The following NEB variants were observed in gnomAD, a reference collection of about 807,000 sequenced individuals.
NEB encodes the protein nebulin.
A neutral mutation model predicts 952.2 loss-of-function variants in NEB; 512 were observed. That is an observed-to-expected ratio of 0.54 (90% CI 0.50 to 0.58). The LOEUF (loss-of-function observed/expected upper bound fraction) is 0.58, where lower values mean the gene tolerates loss of function less well. Among genes scored for constraint, NEB ranks in the 20% least tolerant of loss-of-function variants. The pLI, the probability that NEB is intolerant of heterozygous loss-of-function variation, is 0.00. For synonymous variants in NEB, 2,900 were observed against 3,149.8 expected (o/e 0.92, Z 2.66); for missense variants, 8,428 against 9,231.1 (o/e 0.91, Z 3.56).
chr2:151,554,045 T>C lies in NEB; in HGVS notation c.19429-20A>G, dbSNP rs372241831. The C allele has an allele frequency of 1.7e-4, 267 of 1,611,176 alleles. No individual in the cohort carries two copies. Among genetic ancestry groups the C allele is most frequent in the Non-Finnish European group, 2.0e-4 (240 of 1,177,562 alleles). ...CAGGCGCTGTAAAGTTAAAATCACA[T>C]GCCAGTTATACAGGAAATTGTGCCA... On this transcript the variant is annotated intron_variant, in intron 125 of 181. Coordinates refer to ENST00000397345, the MANE Select transcript of NEB (RefSeq NM_001164508.2).
At position 151,664,559 on chromosome 2, in the gene NEB, A is replaced by G; in HGVS notation, c.5393T>C (p.Leu1798Pro). The change falls in exon 44 of 182, where the codon CTG becomes CCG. Residue 1798 changes from leucine (L) to proline (P), a missense_variant. By Grantham distance (98) the Leu-to-Pro change is moderately conservative. This residue lies in a region of NEB where 2,851 missense variants were observed against 2,791.5 expected (regional missense o/e 1.02). Transcript: ENST00000397345. ...WEEEKKKGYD[L>P]RPDAIAIKAA... The stretch of plus-strand genomic sequence containing the variant: ...CTTTATTGCAATGGCATCAGGCCTC[A>G]GGTCATATCCTTTCTTCTTTTCCTC... The G allele has an allele frequency of 6.2e-7, 1 of 1,608,682 alleles. No individual in the cohort carries two copies. The highest frequency in any genetic ancestry group is 8.5e-7 in the Non-Finnish European group (1 of 1,177,484).
At position 151,667,801 on chromosome 2, in the gene NEB, T is replaced by C; in HGVS notation, c.4719+3A>G. On this transcript the variant is annotated splice_donor_region_variant and intron_variant, in intron 40 of 181. Coordinates refer to ENST00000397345, the MANE Select transcript of NEB (RefSeq NM_001164508.2). ...AAGTTTCCTACTTTTAAGTTAGACT[T>C]ACATCACTAGCAATATTCCTTGAAC... is the stretch of plus-strand genomic sequence containing the variant. 1.2e-6 allele frequency: 2 copies of C among 1,610,036 alleles called. No individual in the cohort carries two copies. Among genetic ancestry groups the C allele is most frequent in the Admixed American group, 1.7e-5 (1 of 59,934 alleles).
chr2:151,568,089 G>A lies in NEB; in HGVS notation c.17826C>T (p.Cys5942=). ...DAVPFVHAHH[C]NDVQSELKYK... ...GTATTACCTCACTCTGAACGTCATT[G>A]CAGTGATGGGCATGAACAAATGGCA... The change falls in exon 113 of 182, where the codon TGC becomes TGT. Residue 5942 remains cysteine (C), a synonymous_variant. Transcript: ENST00000397345. 6.2e-7 allele frequency: 1 copy of A among 1,613,358 alleles called. No homozygotes were observed. The highest frequency in any genetic ancestry group is 8.5e-7 in the Non-Finnish European group (1 of 1,179,518).
At position 151,672,519 on chromosome 2, in the gene NEB, G is replaced by T; in HGVS notation, c.4149C>A (p.Thr1383=). The T allele has an allele frequency of 6.2e-7, 1 of 1,613,940 alleles. No individual in the cohort carries two copies. Residue 1383 remains threonine, a synonymous_variant, in exon 37 of 182, where the codon ACC becomes ACA. Coordinates refer to ENST00000397345, the MANE Select transcript of NEB (RefSeq NM_001164508.2). ...NYENTKTSYH[T]PGDMVSITAA... ...CTGTGATGCTAACCATGTCCCCAGG[G>T]GTATGGTAGCTGGTTTTGGTGTTCT...
At chr2:151,674,092 T>C (rs796807379) in intron 36 of NEB, among the ~76,000 whole-genome samples, 4 of 152,360 alleles carry the variant, frequency 2.6e-5, no homozygotes, top group African/African-American at 9.6e-5. Context: ...TATAAAAATC[T>C]GTACATTTTA....
chr2:151,661,342 C>A (rs182526706), intron 46 of NEB, among the ~76,000 whole-genome samples: 43 of 152,308 alleles, frequency 2.8e-4, no homozygotes, highest in African/African-American at 9.1e-4. Flanking sequence ...CTCCACAAAT[C>A]ATTCAATTCT....
At chr2:151,718,515 T>G (rs2099765539) in intron 9 of NEB, among the ~76,000 whole-genome samples, 1 of 152,158 alleles carries the variant, frequency 6.6e-6, no homozygotes, top group Admixed American at 6.5e-5. Flanking sequence ...CAACCCCACC[T>G]TACTCTCAGC....
At chr2:151,626,898 G>T in intron 70 of NEB, 104 bp downstream of exon 70, 1 of 1,361,646 alleles carries the variant, frequency 7.3e-7, no homozygotes, top group Non-Finnish European at 1.0e-6. Flanking sequence ...CTATACATTG[G>T]ATAGCAATTT....
rs35707762 is a variant in NEB, at chr2:151,548,387, G to A, written c.20078C>T (p.Thr6693Ile). 0.01 allele frequency: 16,597 copies of A among 1,613,528 alleles called. 121 individuals are homozygous for A. The highest frequency in any genetic ancestry group is 0.013 in the Non-Finnish European group (14,919 of 1,179,500). ...YFKYKEAYEH[T>I]KAYGYTLGPK... is the part of the protein sequence containing the mutation. Reference sequence around the variant, plus strand: ...GCCAAGTGTATACCCATATGCCTTGGTGTGTTCATAGGCTTCTTTGTACTT... The same window carrying A: ...GCCAAGTGTATACCCATATGCCTTGATGTGTTCATAGGCTTCTTTGTACTT... The change falls in exon 131 of 182, where the codon ACC becomes ATC. Residue 6693 changes from threonine (T) to isoleucine (I), a missense_variant. Thr to Ile is a moderately conservative substitution (Grantham distance 89). Transcript: ENST00000397345.
intron 46 of NEB, among the ~76,000 whole-genome samples, chr2:151,660,435 T>G (rs1435901004): frequency 6.6e-6 from 1 of 152,224 alleles, no homozygotes; most frequent in East Asian, 1.9e-4. Context: ...GAGTTTTAAA[T>G]TTTAACGAAC....
At chr2:151,511,317 G>C (rs985411740) in intron 161 of NEB, among the ~76,000 whole-genome samples, 3 of 152,134 alleles carry the variant, frequency 2.0e-5, no homozygotes, top group African/African-American at 7.2e-5. Flanking sequence ...TCCACCATTT[G>C]AATATACCTG....
intron 12 of NEB, among the ~76,000 whole-genome samples, chr2:151,708,749 G>A: frequency 6.6e-6 from 1 of 152,160 alleles, no homozygotes; most frequent in Non-Finnish European, 1.5e-5. Flanking sequence ...ATCTGAAGAT[G>A]AGCTCTTGTC....
At chr2:151,527,456 A>G (rs1442612647) in intron 147 of NEB, 25 bp downstream of exon 147, 1 of 1,540,852 alleles carries the variant, frequency 6.5e-7, no homozygotes, top group African/African-American at 1.4e-5. Context: ...TGCAGTTACA[A>G]TCGTCTGTGT....
At chr2:151,509,234 A>G (rs892602766) in intron 161 of NEB, among the ~76,000 whole-genome samples, 1 of 152,242 alleles carries the variant, frequency 6.6e-6, no homozygotes. Flanking sequence ...AATTAAAGCC[A>G]GATTTTTCGG....
At chr2:151,617,690 T>A (rs2098249093) in intron 74 of NEB, among the ~76,000 whole-genome samples, 2 of 152,136 alleles carry the variant, frequency 1.3e-5, no homozygotes, top group African/African-American at 4.8e-5. Flanking sequence ...ATTGAAGTAT[T>A]TAAAATAATT....
chr2:151,498,742 G>A (rs541055839), intron 169 of NEB, among the ~76,000 whole-genome samples: 32 of 152,136 alleles, frequency 2.1e-4, no homozygotes, highest in Admixed American at 3.9e-4. Flanking sequence ...GGATATTTGG[G>A]TTTTACAAAC....
chr2:151,707,536 G>T (rs1254438493), intron 12 of NEB, among the ~76,000 whole-genome samples: 2 of 152,158 alleles, frequency 1.3e-5, no homozygotes, highest in Non-Finnish European at 2.9e-5. Flanking sequence ...GATGGAGCAG[G>T]GAGAAGGAGC....
At chr2:151,502,278 C>T (rs997346622) in intron 167 of NEB, among the ~76,000 whole-genome samples, 1 of 151,972 alleles carries the variant, frequency 6.6e-6, no homozygotes, top group Non-Finnish European at 1.5e-5. Flanking sequence ...GTGTATACTG[C>T]TTGGGTGATG....
Position 151,491,669 on chromosome 2 carries a change from T to C in NEB, c.25150+14A>G. 1 of 1,562,034 alleles carries C rather than the reference T, an allele frequency of 6.4e-7. No individual in the cohort carries two copies. The highest frequency in any genetic ancestry group is 8.7e-7 in the Non-Finnish European group (1 of 1,146,836). On this transcript the variant is annotated intron_variant, in intron 179 of 181. Transcript: ENST00000397345. ...GGTGATGTTTATGTTGTAAGCCTTT[T>C]TCAGCTAACACACCATTAATCATGT...
Sources: allele counts gnomAD v4.1 joint callset (sites outside exome capture counted in the v4.1 genomes callset), GRCh38; gene constraint gnomAD v4.1.1; regional missense constraint gnomAD v4.1.1; transcripts MANE v1.5; gene names NCBI Gene and HGNC (gene_info 2026-07-23, HGNC 2026-07-21).